The following HS3ST4 variants were observed in gnomAD, a reference collection of about 807,000 sequenced individuals.
The protein encoded by HS3ST4 is heparan sulfate-glucosamine 3-sulfotransferase 4.
HS3ST4 carries 17 observed loss-of-function variants against 29.2 expected under a neutral mutation model. The observed-to-expected ratio is 0.58, with a 90% CI of 0.40 to 0.87. HS3ST4 has a LOEUF of 0.87. HS3ST4 is among the 40% of genes least tolerant of loss of function. The pLI is 0.00. For missense variants in HS3ST4, 627 were observed against 634.5 expected, an observed-to-expected ratio of 0.99 and a Z score of 0.13; for synonymous variants, 314 against 285.7, an observed-to-expected ratio of 1.10 and a Z score of -1.00.
At chr16:25,875,520 T>C (rs979882602) in intron 1 of HS3ST4, among the ~76,000 whole-genome samples, 1 of 152,118 alleles carries the variant, frequency 6.6e-6, no homozygotes, top group African/African-American at 2.4e-5. Flanking sequence ...CAATCCCTGG[T>C]CCATCACATT....
At chr16:26,047,978 G>A (rs1898290487) in intron 1 of HS3ST4, among the ~76,000 whole-genome samples, 1 of 152,204 alleles carries the variant, frequency 6.6e-6, no homozygotes, top group African/African-American at 2.4e-5. Flanking sequence ...CCAACCAGAT[G>A]TGAGGCAATC....
At chr16:25,765,625 C>T (rs971993061) in intron 1 of HS3ST4, among the ~76,000 whole-genome samples, 1 of 152,136 alleles carries the variant, frequency 6.6e-6, no homozygotes, top group African/African-American at 2.4e-5. Flanking sequence ...TATGCCCTGC[C>T]TGGGCTCCTG....
chr16:26,064,897 A>T (rs1898524855), intron 1 of HS3ST4, among the ~76,000 whole-genome samples: 1 of 152,162 alleles, frequency 6.6e-6, no homozygotes, highest in African/African-American at 2.4e-5. Flanking sequence ...GATTACAGGC[A>T]TGAGCCACCG....
At chr16:25,894,187 A>T (rs936781899) in intron 1 of HS3ST4, among the ~76,000 whole-genome samples, 1 of 152,064 alleles carries the variant, frequency 6.6e-6, no homozygotes, top group East Asian at 1.9e-4. Context: ...GAGTGCTTTG[A>T]ACTTCATCAG....
At chr16:25,700,955 GC>G (rs1263820078) in intron 1 of HS3ST4, among the ~76,000 whole-genome samples, 1 of 151,932 alleles carries the variant, frequency 6.6e-6, no homozygotes, top group East Asian at 1.9e-4. Context: ...TTTTTCAGTT[GC>G]AAATGACAGA....
chr16:26,023,006 C>A (rs1969429805), intron 1 of HS3ST4, among the ~76,000 whole-genome samples: 1 of 151,970 alleles, frequency 6.6e-6, no homozygotes, highest in Non-Finnish European at 1.5e-5. Context: ...CATGCCATTG[C>A]ACTCCAGGTG....
At chr16:26,000,840 A>T (rs1464857614) in intron 1 of HS3ST4, among the ~76,000 whole-genome samples, 1 of 152,234 alleles carries the variant, frequency 6.6e-6, no homozygotes, top group Non-Finnish European at 1.5e-5. Context: ...TATTCCTTCC[A>T]CTGGGTAACC....
intron 1 of HS3ST4, among the ~76,000 whole-genome samples, chr16:25,938,841 C>G (rs536468795): frequency 6.6e-6 from 1 of 152,236 alleles, no homozygotes; most frequent in African/African-American, 2.4e-5. Flanking sequence ...TAATGGTGCT[C>G]TCTGATTTTC....
intron 1 of HS3ST4, among the ~76,000 whole-genome samples, chr16:25,796,722 G>A (rs577456589): frequency 2.6e-5 from 4 of 152,322 alleles, no homozygotes; most frequent in African/African-American, 7.2e-5. Flanking sequence ...CTCCTGCCTC[G>A]CAGCACTAGC....
intron 1 of HS3ST4, among the ~76,000 whole-genome samples, chr16:25,770,297 C>A (rs1174293748): frequency 1.3e-5 from 2 of 151,188 alleles, no homozygotes; most frequent in Middle Eastern, 3.2e-3. Context: ...TAATCATGGC[C>A]TTGGAGATGA....
intron 1 of HS3ST4, among the ~76,000 whole-genome samples, chr16:25,950,199 A>G (rs1395334463): frequency 1.3e-5 from 2 of 152,174 alleles, no homozygotes; most frequent in Admixed American, 1.3e-4. Flanking sequence ...ATCAATGCCC[A>G]GTTAGATGAC....
chr16:25,998,037 A>ACTAG (rs1969172356), intron 1 of HS3ST4, among the ~76,000 whole-genome samples: 1 of 152,140 alleles, frequency 6.6e-6, no homozygotes, highest in Non-Finnish European at 1.5e-5. Flanking sequence ...GGAGTTCCAG[A>ACTAG]CTAGCCTGGG....
chr16:25,697,763 C>G (rs1245870759), intron 1 of HS3ST4, among the ~76,000 whole-genome samples: 1 of 151,930 alleles, frequency 6.6e-6, no homozygotes, highest in Non-Finnish European at 1.5e-5. Flanking sequence ...GTGGTGTGAT[C>G]TCTGCTTCAA....
chr16:25,805,975 C>T (rs745584658), intron 1 of HS3ST4, among the ~76,000 whole-genome samples: 5 of 152,136 alleles, frequency 3.3e-5, no homozygotes, highest in Non-Finnish European at 5.9e-5. Flanking sequence ...TCTGTTCCTG[C>T]GTTAGTTTGC....
chr16:25,881,032 C>A (rs1156720508), intron 1 of HS3ST4, among the ~76,000 whole-genome samples: 1 of 152,136 alleles, frequency 6.6e-6, no homozygotes, highest in African/African-American at 2.4e-5. Flanking sequence ...ATGAGAAGAG[C>A]CAGCTGGCTC....
chr16:25,977,420 T>G (rs1382246896), intron 1 of HS3ST4, among the ~76,000 whole-genome samples: 1 of 152,202 alleles, frequency 6.6e-6, no homozygotes, highest in Non-Finnish European at 1.5e-5. Context: ...TCCCTCTAAA[T>G]TCTCATCACA....
intron 1 of HS3ST4, among the ~76,000 whole-genome samples, chr16:25,954,833 G>A (rs1010659044): frequency 6.6e-6 from 1 of 152,194 alleles, no homozygotes; most frequent in East Asian, 1.9e-4. Flanking sequence ...AATATTTCTT[G>A]TCCCAATCAT....
chr16:25,884,709 G>A lies in HS3ST4; in HGVS notation c.734+191558G>A, dbSNP rs908248865. On this transcript the variant is annotated intron_variant, in intron 1 of 1. Transcript: ENST00000331351. ...GCCTCCCGAGTAGTGGGGATTACAG[G>A]CGTGCACCAACAAGCCTGGCTAATT... Among the ~76,000 whole-genome samples the A allele has an allele frequency of 2.0e-5, 3 of 152,246 alleles. No homozygotes were observed. The East Asian group carries it at 5.8e-4, about 29-fold the overall frequency.
At chr16:25,752,757 T>C (rs968927418) in intron 1 of HS3ST4, among the ~76,000 whole-genome samples, 3 of 152,220 alleles carry the variant, frequency 2.0e-5, no homozygotes, top group Non-Finnish European at 4.4e-5. Context: ...CTATGATGCA[T>C]TTAGGTGCCA....
Sources: gnomAD v4.1 joint callset for allele counts (sites outside exome capture counted in the v4.1 genomes callset) on GRCh38, gnomAD v4.1.1 for gene constraint, MANE v1.5 for transcripts, NCBI Gene and HGNC (gene_info 2026-07-23, HGNC 2026-07-21) for gene names.